Variants in VPS37A observed in about 807,000 individuals in gnomAD.
VPS37A encodes the protein vacuolar protein sorting-associated protein 37A.
A neutral mutation model predicts 49.8 loss-of-function variants in VPS37A; 30 were observed. That is an observed-to-expected ratio of 0.60 (90% CI 0.45 to 0.82). The LOEUF (loss-of-function observed/expected upper bound fraction) is 0.82, where lower values mean the gene tolerates loss of function less well. Ranked by LOEUF, VPS37A falls within the 40% of genes least tolerant of loss-of-function variation. VPS37A has a pLI of 0.00. For synonymous variants in VPS37A, 195 were observed against 160.6 expected, an observed-to-expected ratio of 1.21 and a Z score of -1.62; for missense variants, 593 against 464.4, an observed-to-expected ratio of 1.28 and a Z score of -2.55.
downstream of VPS37A, chr8:17,305,645 A>G (rs553990738): frequency 1.1e-4 from 90 of 827,824 alleles, no homozygotes; most frequent in African/African-American, 1.5e-3. Flanking sequence ...CTGTCAGTAT[A>G]GGTATGTGAC....
chr8:17,254,398 G>C (rs879682811), intron 1 of VPS37A, among the ~76,000 whole-genome samples: 72 of 152,152 alleles, frequency 4.7e-4, no homozygotes, highest in Non-Finnish European at 7.1e-4. Flanking sequence ...CCAGCAACAA[G>C]CTGGAAACAA....
chr8:17,259,460 T>A (rs1055164644), intron 1 of VPS37A, among the ~76,000 whole-genome samples: 1 of 152,138 alleles, frequency 6.6e-6, no homozygotes, highest in African/African-American at 2.4e-5. Context: ...TCTGATTTCT[T>A]TGAGTTTGTT....
chr8:17,291,937 A>C (rs1816195921), intron 11 of VPS37A, among the ~76,000 whole-genome samples: 1 of 152,200 alleles, frequency 6.6e-6, no homozygotes, highest in Non-Finnish European at 1.5e-5. Context: ...GCTGAGAAGA[A>C]GGTATATTCT....
At chr8:17,264,884 G>A (rs1003504514) in intron 1 of VPS37A, among the ~76,000 whole-genome samples, 20 of 152,100 alleles carry the variant, frequency 1.3e-4, no homozygotes, top group African/African-American at 4.6e-4. Context: ...GACTTGCTTA[G>A]TGTATTATAG....
rs1225957139 is a variant in VPS37A at position 17,275,221 on chromosome 8, G to C, written c.642+263G>C. 1.3e-5 allele frequency among the ~76,000 whole-genome samples: 2 copies of C among 152,318 alleles called. 1 individual carries two copies. The highest frequency in any genetic ancestry group is 1.3e-4 in the Admixed American group (2 of 15,308). On this transcript the variant is annotated intron_variant, in intron 5 of 11. Coordinates refer to ENST00000324849, the MANE Select transcript of VPS37A (RefSeq NM_152415.3). ...GTCAGTGCTCCTAGGGACCAAGGTA[G>C]AACTAGTAGATCGCCTTTACAAAAA... is the stretch of plus-strand genomic sequence containing the variant.
At chr8:17,310,630 T>C in the VPS37A span, among the ~76,000 whole-genome samples, 1 of 152,164 alleles carries the variant, frequency 6.6e-6, no homozygotes, top group Non-Finnish European at 1.5e-5. Context: ...GAGGTGTCAA[T>C]GCTATCACAG....
intron 1 of VPS37A, among the ~76,000 whole-genome samples, chr8:17,264,203 C>G (rs572384365): frequency 6.6e-6 from 1 of 152,130 alleles, no homozygotes; most frequent in African/African-American, 2.4e-5. Flanking sequence ...GGATTTGAAC[C>G]CAGGAAGCCT....
intron 1 of VPS37A, among the ~76,000 whole-genome samples, chr8:17,252,994 C>T (rs1408766614): frequency 2.0e-5 from 3 of 152,044 alleles, no homozygotes; most frequent in Admixed American, 2.0e-4. Flanking sequence ...CTATTTGTAA[C>T]CAGTGATTAA....
At chr8:17,260,805 C>G (rs922322489) in intron 1 of VPS37A, among the ~76,000 whole-genome samples, 7 of 152,186 alleles carry the variant, frequency 4.6e-5, no homozygotes, top group African/African-American at 1.7e-4. Context: ...CCACTCCCTT[C>G]TGGCCTATAT....
chr8:17,311,590 C>G, the VPS37A span: 1 of 1,614,142 alleles, frequency 6.2e-7, no homozygotes, highest in Non-Finnish European at 8.5e-7. Context: ...CCTGTCCCAG[C>G]CATCAGAACA....
chr8:17,309,696 A>G, the VPS37A span, among the ~76,000 whole-genome samples: 2 of 152,206 alleles, frequency 1.3e-5, no homozygotes, highest in Non-Finnish European at 2.9e-5. Context: ...GCCCAAGATC[A>G]TGCTACTAGG....
At chr8:17,270,142 A>G (rs1813840094) in intron 4 of VPS37A, among the ~76,000 whole-genome samples, 2 of 152,218 alleles carry the variant, frequency 1.3e-5, no homozygotes, top group Admixed American at 1.3e-4. Context: ...ATTCATGAGA[A>G]ATACACCCCC....
intron 4 of VPS37A, among the ~76,000 whole-genome samples, chr8:17,271,133 C>T (rs778686427): frequency 1.3e-5 from 2 of 152,076 alleles, no homozygotes; most frequent in Admixed American, 1.3e-4. Context: ...GAGTAATTTT[C>T]GTTTCTTGGT....
downstream of VPS37A, among the ~76,000 whole-genome samples, chr8:17,307,366 C>T (rs1817520907): frequency 6.6e-6 from 1 of 152,116 alleles, no homozygotes; most frequent in Admixed American, 6.5e-5. Flanking sequence ...GAATGGCGAT[C>T]ATTAAAAAGT....
At chr8:17,282,238 T>G (rs1252223358) in intron 9 of VPS37A, among the ~76,000 whole-genome samples, 1 of 152,132 alleles carries the variant, frequency 6.6e-6, no homozygotes, top group Non-Finnish European at 1.5e-5. Flanking sequence ...AATAGACTTG[T>G]GTATGTGAAT....
chr8:17,310,969 A>C, the VPS37A span, among the ~76,000 whole-genome samples: 1 of 152,162 alleles, frequency 6.6e-6, no homozygotes, highest in Non-Finnish European at 1.5e-5. Context: ...TAAAAAGCTC[A>C]AACTCTACAG....
chr8:17,301,823 T>C, downstream of VPS37A: 1 of 361,202 alleles, frequency 2.8e-6, no homozygotes, highest in Non-Finnish European at 4.9e-6. Flanking sequence ...GTACATATAT[T>C]TGATTTTATT....
downstream of VPS37A, chr8:17,306,023 C>CA (rs1405581519): frequency 7.6e-7 from 1 of 1,314,092 alleles, no homozygotes; most frequent in Non-Finnish European, 1.1e-6. Context: ...GCCATAAATG[C>CA]AAAAACAACC....
At chr8:17,300,260 T>C (rs1241737567), downstream of VPS37A, 1 of 1,568,988 alleles carries the variant, frequency 6.4e-7, no homozygotes, top group Non-Finnish European at 8.6e-7. Flanking sequence ...GGAAAAATCA[T>C]AAATAACTTA....
Sources: allele counts gnomAD v4.1 joint callset (sites outside exome capture counted in the v4.1 genomes callset), GRCh38; gene constraint gnomAD v4.1.1; transcripts MANE v1.5; gene names NCBI Gene and HGNC (gene_info 2026-07-23, HGNC 2026-07-21).